Variants in PTPRN2 observed in about 807,000 individuals in gnomAD.
PTPRN2 encodes protein tyrosine phosphatase receptor type N2.
Under a neutral mutation model 118.8 loss-of-function variants are expected in PTPRN2, and 74 were observed. That is an observed-to-expected ratio of 0.62 (90% confidence interval 0.52 to 0.76). PTPRN2 has a LOEUF of 0.76. PTPRN2 is among the 30% of genes least tolerant of loss of function. The pLI is 0.00. For missense variants in PTPRN2, 1,481 were observed against 1,394.4 expected (o/e 1.06, Z -0.99); for synonymous variants, 641 against 608.0 (o/e 1.05, Z -0.80).
intron 2 of PTPRN2, among the ~76,000 whole-genome samples, chr7:158,449,943 A>G (rs1307541677): frequency 6.6e-6 from 1 of 152,234 alleles, no homozygotes; most frequent in Non-Finnish European, 1.5e-5. Context: ...GCACAGATGA[A>G]CCTGGTGAGG....
intron 2 of PTPRN2, among the ~76,000 whole-genome samples, chr7:158,340,743 A>C (rs62481716): frequency 0.11 from 2,051 of 18,832 alleles, 43 homozygotes; most frequent in Middle Eastern, 0.25. Context: ...GAGGTGACAC[A>C]TGCAGACGTC....
At chr7:157,930,909 GT>G (rs1383650021) in intron 11 of PTPRN2, among the ~76,000 whole-genome samples, 1 of 148,142 alleles carries the variant, frequency 6.8e-6, no homozygotes, top group Non-Finnish European at 1.5e-5. Flanking sequence ...GTTTTTTTTT[GT>G]TTTTCGCAAG....
chr7:157,822,151 C>T lies in PTPRN2; in HGVS notation c.1788+76522G>A, dbSNP rs541557932. ...TTGTGCATTCATCTACCCACTCATC[C>T]ATTCATCCATCTATACACTATCCAT... On this transcript the variant is annotated intron_variant, in intron 12 of 22. Coordinates refer to ENST00000389418, the MANE Select transcript of PTPRN2 (RefSeq NM_002847.5). Among the ~76,000 whole-genome samples, 14 of 152,096 alleles carry T rather than the reference C, an allele frequency of 9.2e-5. 1 individual carries two copies. The highest frequency in any genetic ancestry group is 2.0e-4 in the Admixed American group (3 of 15,270).
At chr7:158,156,209 G>A (rs1821807045) in intron 6 of PTPRN2, among the ~76,000 whole-genome samples, 1 of 152,174 alleles carries the variant, frequency 6.6e-6, no homozygotes, top group Admixed American at 6.5e-5. Context: ...CATTCACCCA[G>A]TCTGACACTT....
In PTPRN2 at chr7:158,052,253, C is replaced by A. The variant is rs951960934; in HGVS notation, c.1723+29045G>T. On this transcript the variant is annotated intron_variant, in intron 11 of 22. Transcript: ENST00000389418. The stretch of plus-strand genomic sequence containing the variant: ...ATGCATTCTCCATCATAAGTGATCG[C>A]CTTTGATGTTCTATTCATTTGTTGA... Among the ~76,000 whole-genome samples the A allele has an allele frequency of 2.0e-5, 3 of 152,162 alleles. No homozygotes were observed. In the East Asian group the frequency reaches 5.8e-4, roughly 29 times the overall value.
intron 12 of PTPRN2, among the ~76,000 whole-genome samples, chr7:157,791,555 C>A (rs1804500188): frequency 2.0e-5 from 3 of 146,976 alleles, no homozygotes; most frequent in African/African-American, 7.6e-5. Context: ...ACCCACCTGC[C>A]CCCCCTCCCT....
chr7:158,376,754 G>A (rs1328237803), intron 2 of PTPRN2, among the ~76,000 whole-genome samples: 1 of 123,126 alleles, frequency 8.1e-6, no homozygotes, highest in African/African-American at 3.2e-5. Context: ...TGAGAGGGGG[G>A]TCAGGGGACT....
intron 11 of PTPRN2, among the ~76,000 whole-genome samples, chr7:157,941,480 C>A (rs1248218728): frequency 6.7e-6 from 1 of 149,654 alleles, no homozygotes; most frequent in South Asian, 2.2e-4. Context: ...ACCCCCTCCC[C>A]CCTCCGTGAC....
chr7:158,495,401 C>A (rs558959105), intron 1 of PTPRN2, among the ~76,000 whole-genome samples: 2 of 152,192 alleles, frequency 1.3e-5, no homozygotes, highest in Non-Finnish European at 2.9e-5. Flanking sequence ...ACCTCCTCTG[C>A]AGCAAACACA....
intron 10 of PTPRN2, among the ~76,000 whole-genome samples, chr7:158,104,202 C>T (rs568371471): frequency 6.6e-6 from 1 of 152,270 alleles, no homozygotes; most frequent in East Asian, 1.9e-4. Flanking sequence ...GGCATCCTGC[C>T]TGAGATTTCT....
chr7:158,069,586 G>C (rs78023052), intron 11 of PTPRN2, among the ~76,000 whole-genome samples: 2,430 of 151,836 alleles, frequency 0.016, 75 homozygotes, highest in African/African-American at 0.056. Flanking sequence ...AAAGTGCTGG[G>C]ATGACAGGCA....
chr7:158,314,422 C>T (rs1379304164), intron 3 of PTPRN2, among the ~76,000 whole-genome samples: 3 of 152,250 alleles, frequency 2.0e-5, no homozygotes, highest in Non-Finnish European at 2.9e-5. Flanking sequence ...CAATATGGCT[C>T]GCTCCATGTT....
chr7:157,699,074 A>G (rs1314235507), intron 12 of PTPRN2, among the ~76,000 whole-genome samples: 1 of 152,268 alleles, frequency 6.6e-6, no homozygotes, highest in African/African-American at 2.4e-5. Flanking sequence ...TACATACTAC[A>G]CATCCATTAC....
chr7:158,501,354 G>T (rs1255891881), intron 1 of PTPRN2, among the ~76,000 whole-genome samples: 2 of 152,182 alleles, frequency 1.3e-5, no homozygotes, highest in Non-Finnish European at 2.9e-5. Flanking sequence ...TGTACCCCCC[G>T]ATTTCAGCAG....
intron 12 of PTPRN2, among the ~76,000 whole-genome samples, chr7:157,688,735 C>A (rs1372364907): frequency 6.6e-6 from 1 of 152,186 alleles, no homozygotes; most frequent in Non-Finnish European, 1.5e-5. Context: ...ACCCGCCTAG[C>A]GTCGCTTGTC....
intron 12 of PTPRN2, among the ~76,000 whole-genome samples, chr7:157,832,526 C>A (rs1807632605): frequency 6.6e-6 from 1 of 152,074 alleles, no homozygotes. Context: ...CCTGACTGAC[C>A]AACACACTGA....
At chr7:158,330,175 C>G (rs55634268) in intron 2 of PTPRN2, among the ~76,000 whole-genome samples, 1 of 39,512 alleles carries the variant, frequency 2.5e-5, no homozygotes, top group African/African-American at 9.7e-5. Flanking sequence ...AGAGGTGACA[C>G]CCGCAGACGT....
intron 11 of PTPRN2, among the ~76,000 whole-genome samples, chr7:157,943,349 G>T (rs554895647): frequency 6.6e-6 from 1 of 152,034 alleles, no homozygotes; most frequent in Non-Finnish European, 1.5e-5. Context: ...TGCCCCAGAC[G>T]GTCCTTTCTG....
chr7:158,308,509 T>A (rs1302516521), intron 3 of PTPRN2, among the ~76,000 whole-genome samples: 2 of 152,120 alleles, frequency 1.3e-5, no homozygotes. Context: ...TTAAAAAACC[T>A]GCATAAAGCA....
Sources: gnomAD v4.1 joint callset for allele counts (sites outside exome capture counted in the v4.1 genomes callset) on GRCh38, gnomAD v4.1.1 for gene constraint, MANE v1.5 for transcripts, NCBI Gene and HGNC (gene_info 2026-07-23, HGNC 2026-07-21) for gene names.